CYB561: variants seen among roughly 807,000 people sequenced by gnomAD.
CYB561 encodes cytochrome b561.
In CYB561, 11 loss-of-function variants were observed where a neutral mutation model predicts 25.3. That is an observed-to-expected ratio of 0.44 (90% CI 0.27 to 0.72). The LOEUF (loss-of-function observed/expected upper bound fraction) is 0.72, where lower values mean the gene tolerates loss of function less well. Among genes scored for constraint, CYB561 ranks in the 30% least tolerant of loss-of-function variants. CYB561 has a pLI of 0.18. For synonymous variants in CYB561, 165 were observed against 158.8 expected (o/e 1.04, Z -0.29); for missense variants, 295 against 334.9 (o/e 0.88, Z 0.93).
At chr17:63,437,701 C>T (rs1483545856) in intron 1 of CYB561, 141 bp from the exon 2 acceptor site, 1 of 585,238 alleles carries the variant, frequency 1.7e-6, no homozygotes, top group African/African-American at 2.3e-5. Flanking sequence ...CAGCCGCCCC[C>T]GGAGATAAGC....
chr17:63,442,452 C>T (rs1015629077), intron 1 of CYB561, among the ~76,000 whole-genome samples: 1 of 152,162 alleles, frequency 6.6e-6, no homozygotes, highest in African/African-American at 2.4e-5. Context: ...GCCCTCATTT[C>T]CCAGTCTTGA....
intron 1 of CYB561, chr17:63,440,217 C>A (rs989039073): frequency 5.0e-6 from 2 of 398,806 alleles, no homozygotes; most frequent in Non-Finnish European, 8.8e-6. Flanking sequence ...ACGCTTCAAA[C>A]CCAGCTCGTC....
rs988825156 is a variant in CYB561, at chr17:63,434,344, G to A, written c.*58C>T. ...CTCCGGAGCCTGCAGTCCTGAAGACGCCTCAGCAGGGGCAGGCAAGAAGAC... is the reference window on the plus strand; with the variant it reads ...CTCCGGAGCCTGCAGTCCTGAAGACACCTCAGCAGGGGCAGGCAAGAAGAC... On this transcript the variant is annotated 3_prime_UTR_variant, in exon 6 of 6. Transcript: ENST00000360793. 6.2e-6 allele frequency: 9 copies of A among 1,445,220 alleles called. No homozygotes were observed. The highest frequency in any genetic ancestry group is 1.4e-5 in the African/African-American group (1 of 70,598). 89.5% of individuals were successfully genotyped at this position (1,445,220 alleles called of 1,614,324 possible). A position where few individuals can be genotyped will look rare whatever the true frequency, so the allele number is the denominator to read the frequency against.
At chr17:63,444,270 C>T (rs569041899) in intron 1 of CYB561, among the ~76,000 whole-genome samples, 3 of 152,312 alleles carry the variant, frequency 2.0e-5, no homozygotes, top group African/African-American at 4.8e-5. Context: ...AAAGGCCCAG[C>T]GCAGCCCAGG....
chr17:63,438,216 T>A (rs2049335676), intron 1 of CYB561: 44 of 1,535,346 alleles, frequency 2.9e-5, no homozygotes, highest in Non-Finnish European at 3.7e-5. Context: ...CCCGGCTTTG[T>A]TTTCTGTTTC....
intron 1 of CYB561, among the ~76,000 whole-genome samples, chr17:63,444,904 G>A (rs942441118): frequency 2.4e-4 from 36 of 152,166 alleles, no homozygotes; most frequent in Non-Finnish European, 4.4e-5. Flanking sequence ...GGCTGGGCAC[G>A]GTGGCTCACG....
At chr17:63,446,091 C>T (rs1000227198) in intron 1 of CYB561, 154 bp downstream of exon 1, 1 of 152,294 alleles carries the variant, frequency 6.6e-6, no homozygotes, top group African/African-American at 2.4e-5. Context: ...GGGTCGGCGC[C>T]GCAGTCCAGT....
In CYB561 at chr17:63,435,479, T is replaced by C. The variant is rs564632967; in HGVS notation, c.405+209A>G. 4.8e-5 allele frequency: 33 copies of C among 683,038 alleles called. No homozygotes were observed. In the East Asian group the frequency reaches 8.9e-4, roughly 19 times the overall value. 42.3% of individuals were successfully genotyped at this position (683,038 alleles called of 1,614,324 possible). On this transcript the variant is annotated intron_variant, in intron 4 of 5. Coordinates refer to ENST00000360793, the MANE Select transcript of CYB561 (RefSeq NM_001915.4). ...AGAAAGCTGGGCTTGTGGCCAAAAGTGCTGAGTCAGCCATGGGGCGCCTGG... is the reference window on the plus strand; with the variant it reads ...AGAAAGCTGGGCTTGTGGCCAAAAGCGCTGAGTCAGCCATGGGGCGCCTGG...
intron 2 of CYB561, chr17:63,437,017 T>A: frequency 2.6e-6 from 1 of 385,104 alleles, no homozygotes; most frequent in Non-Finnish European, 4.8e-6. Context: ...ATTACTTTTT[T>A]TCCCTCAATT....
chr17:63,437,458 C>G lies in CYB561; in HGVS notation c.90G>C (p.Met30Ile). The G allele has an allele frequency of 6.2e-7, 1 of 1,613,970 alleles. No individual in the cohort carries two copies. The highest frequency in any genetic ancestry group is 8.5e-7 in the Non-Finnish European group (1 of 1,179,980). ...SQLLGLTLVA[M>I]TGAWLGLYRG... ...GGTACAGCCCGAGCCACGCGCCGGT[C>G]ATGGCCACCAAGGTCAGGCCCAGCA... is the stretch of plus-strand genomic sequence containing the variant. The change falls in exon 2 of 6, where the codon ATG becomes ATC. Residue 30 changes from methionine (M) to isoleucine (I), a missense_variant. Transcript: ENST00000360793.
At chr17:63,440,160 C>T (rs1477020454) in intron 1 of CYB561, 3 of 398,566 alleles carry the variant, frequency 7.5e-6, no homozygotes, top group Non-Finnish European at 1.3e-5. Flanking sequence ...AAATTCAAGC[C>T]CCATTTCTGA....
At chr17:63,443,181 A>G (rs1178868793) in intron 1 of CYB561, among the ~76,000 whole-genome samples, 1 of 152,184 alleles carries the variant, frequency 6.6e-6, no homozygotes, top group Non-Finnish European at 1.5e-5. Context: ...TTAGCACCCC[A>G]GTAGCCCCAG....
At position 63,436,738 on chromosome 17, in the gene CYB561, G is replaced by A. The variant is rs148555041; in HGVS notation, c.203-586C>T. ...CCTTGTGATCCCAGCCTGATCTCCC[G>A]CGTCCAGAAGAGGTGGGCAAGGCCA... On this transcript the variant is annotated intron_variant, in intron 2 of 5. Transcript: ENST00000360793. The surrounding 1 kb of genome is among the most constrained non-coding windows in gnomAD (Gnocchi z 4.8). 1.6e-4 allele frequency: 25 copies of A among 160,378 alleles called. No homozygotes were observed. The highest frequency in any genetic ancestry group is 2.8e-4 in the Non-Finnish European group (20 of 72,466). 9.9% of individuals were successfully genotyped at this position (160,378 alleles called of 1,614,324 possible). A position where few individuals can be genotyped will look rare whatever the true frequency, so the allele number is the denominator to read the frequency against.
chr17:63,435,706 A>T lies in CYB561; in HGVS notation c.387T>A (p.Phe129Leu). Reference protein sequence around the residue: ...SLHSWCGILVFVLYFVQWLVG... With the variant: ...SLHSWCGILVLVLYFVQWLVG... Reference sequence around the variant, plus strand: ...GACTCACCTGCACAAAGTACAGGACAAAGACAAGGATCCCGCACCAGCTGT... The same window carrying T: ...GACTCACCTGCACAAAGTACAGGACTAAGACAAGGATCCCGCACCAGCTGT... The change falls in exon 4 of 6, where the codon TTT becomes TTA. Residue 129 changes from phenylalanine to leucine, a missense_variant. Transcript: ENST00000360793. The T allele has an allele frequency of 6.2e-7, 1 of 1,614,238 alleles. No homozygotes were observed. Among genetic ancestry groups the T allele is most frequent in the Non-Finnish European group, 8.5e-7 (1 of 1,180,026 alleles).
At chr17:63,438,148 A>G (rs1318991867) in intron 1 of CYB561, 5 of 1,535,148 alleles carry the variant, frequency 3.3e-6, no homozygotes, top group African/African-American at 1.4e-5. Context: ...GGAGTTCCAT[A>G]TGCGGTGAGG....
At chr17:63,444,275 C>A (rs1392658895) in intron 1 of CYB561, among the ~76,000 whole-genome samples, 1 of 152,242 alleles carries the variant, frequency 6.6e-6, no homozygotes, top group Non-Finnish European at 1.5e-5. Flanking sequence ...CCCAGCGCAG[C>A]CCAGGTTAGA....
intron 1 of CYB561, among the ~76,000 whole-genome samples, chr17:63,445,643 C>G (rs2058203): frequency 0.51 from 78,205 of 151,910 alleles, 20,963 homozygotes; most frequent in African/African-American, 0.64. Context: ...AAGGTGGCGG[C>G]AGCTCCGCCC....
In CYB561 at chr17:63,444,368, A is replaced by T. The variant is rs915363351; in HGVS notation, c.-14+1877T>A. 3.9e-5 allele frequency among the ~76,000 whole-genome samples: 6 copies of T among 152,332 alleles called. No individual in the cohort carries two copies. In the East Asian group the frequency reaches 1.2e-3, roughly 29 times the overall value. ...AGTCCCTTCTCCAAGCCTGCTTCCT[A>T]ATCTATAAAGTGGAGGATATCTGGA... On this transcript the variant is annotated intron_variant, in intron 1 of 5. Transcript: ENST00000360793.
rs772361572 is a variant in CYB561 at position 63,436,093 on chromosome 17, C to G, written c.262G>C (p.Gly88Arg). The G allele has an allele frequency of 2.4e-5, 39 of 1,614,214 alleles. No individual in the cohort carries two copies. Among genetic ancestry groups the G allele is most frequent in the Non-Finnish European group, 7.6e-6 (9 of 1,180,018 alleles). The change falls in exon 3 of 6, where the codon GGG (glycine) becomes CGG (arginine). Residue 88 changes from glycine to arginine, a missense_variant. Physicochemically the swap from Gly to Arg is moderately radical, Grantham distance 125. Transcript: ENST00000360793. This position sits in a 1 kb window ranked among gnomAD's most constrained non-coding sequence, Gnocchi z 4.8. ...ACGAGCGCAAAGATGTGCAGCAGCC[C>G]GTGCAGGACCTTGGTGGTGCGTTTA... ...EAKRTTKVLHGLLHIFALVIA... is the reference protein window; with the variant it reads ...EAKRTTKVLHRLLHIFALVIA...
Sources: gnomAD v4.1 joint callset for allele counts (sites outside exome capture counted in the v4.1 genomes callset) on GRCh38, gnomAD v4.1.1 for gene constraint, Gnocchi (gnomAD v3.1) non-coding constraint, MANE v1.5 for transcripts, NCBI Gene and HGNC (gene_info 2026-07-23, HGNC 2026-07-21) for gene names.